The following CACNA1S variants were observed in gnomAD, a reference collection of about 807,000 sequenced individuals.
CACNA1S encodes voltage-dependent L-type calcium channel subunit alpha-1S.
Under a neutral mutation model 207.4 loss-of-function variants are expected in CACNA1S, and 126 were observed. The ratio of observed to expected loss-of-function variants is 0.61; its 90% confidence interval spans 0.53 to 0.70. The LOEUF (loss-of-function observed/expected upper bound fraction) is 0.70, where lower values mean the gene tolerates loss of function less well. CACNA1S is among the 30% of genes least tolerant of loss of function. CACNA1S has a pLI of 0.00. For missense variants in CACNA1S, 2,349 were observed against 2,422.8 expected (o/e 0.97, Z 0.64); for synonymous variants, 960 against 932.7 (o/e 1.03, Z -0.53).
In CACNA1S at chr1:201,093,201, AG is replaced by A. The variant is rs1171375724; in HGVS notation, c.398+680del. 2.0e-5 allele frequency among the ~76,000 whole-genome samples: 3 copies of A among 152,248 alleles called. 1 individual carries two copies. The East Asian group carries it at 5.8e-4, about 29-fold the overall frequency. On this transcript the variant is annotated intron_variant, in intron 3 of 43. Coordinates refer to ENST00000362061, the MANE Select transcript of CACNA1S (RefSeq NM_000069.3). Reference sequence around the variant, plus strand: ...TCAGAATGTGGTTGTATTTGGAGACAGGGTCTTTAAAGAGGTGGTTAAGATG... The same window carrying A: ...TCAGAATGTGGTTGTATTTGGAGACAGGTCTTTAAAGAGGTGGTTAAGATG...
At chr1:201,050,954 T>A in intron 33 of CACNA1S, 30 bp downstream of exon 33, 1 of 1,612,846 alleles carries the variant, frequency 6.2e-7, no homozygotes, top group Non-Finnish European at 8.5e-7. Flanking sequence ...CAAAGCCCTC[T>A]CCCTGCCCCG....
At chr1:201,063,497 C>T (rs1204937881) in intron 22 of CACNA1S, among the ~76,000 whole-genome samples, 2 of 152,128 alleles carry the variant, frequency 1.3e-5, no homozygotes, top group Non-Finnish European at 2.9e-5. Flanking sequence ...CCATGTTGGT[C>T]AGGCTGGTTT....
intron 28 of CACNA1S, among the ~76,000 whole-genome samples, chr1:201,056,070 G>GACACAC (rs58170287): frequency 0.049 from 4,688 of 94,836 alleles, 140 homozygotes; most frequent in East Asian, 0.21. Flanking sequence ...CAGACAGACA[G>GACACAC]ACACACACAC....
intron 38 of CACNA1S, 66 bp from the exon 39 acceptor site, chr1:201,044,522 T>C (rs1357165431): frequency 8.9e-6 from 14 of 1,578,216 alleles, no homozygotes; most frequent in Non-Finnish European, 1.1e-5. Context: ...CCACTTTTTC[T>C]TTTTTTGAGA....
intron 2 of CACNA1S, among the ~76,000 whole-genome samples, chr1:201,105,960 T>G (rs1662866077): frequency 6.6e-6 from 1 of 152,296 alleles, no homozygotes; most frequent in Admixed American, 6.5e-5. Flanking sequence ...TGTGCCAAAG[T>G]GAGGAAACCT....
At position 201,069,204 on chromosome 1, in the gene CACNA1S, C is replaced by T. The variant is rs757844085; in HGVS notation, c.2491-8G>A. On this transcript the variant is annotated splice_region_variant and splice_polypyrimidine_tract_variant and intron_variant, in intron 18 of 43. Transcript: ENST00000362061. ...GTCAAAGTGTTTAAGGATCTGGGGA[C>T]AGGGCAGGGGCGGGAGCAGCCAGTG... 2 of 1,613,930 alleles carry T rather than the reference C, an allele frequency of 1.2e-6. No individual in the cohort carries two copies. Among genetic ancestry groups the T allele is most frequent in the South Asian group, 1.1e-5 (1 of 91,066 alleles).
At chr1:201,049,452 G>A (rs1425696032) in intron 34 of CACNA1S, among the ~76,000 whole-genome samples, 1 of 152,148 alleles carries the variant, frequency 6.6e-6, no homozygotes, top group South Asian at 2.1e-4. Context: ...GAAGTAGTGG[G>A]TGTAGATCAA....
Position 201,066,211 on chromosome 1 carries a change from G to A in CACNA1S, c.2745+18C>T. ...CCTCCCATTCCTCTCTGGGGCTCCT[G>A]CCCGGGCCCTCTCTCACCTTCAACC... On this transcript the variant is annotated intron_variant, in intron 21 of 43. Coordinates refer to ENST00000362061, the MANE Select transcript of CACNA1S (RefSeq NM_000069.3). This position sits in a 1 kb window ranked among gnomAD's most constrained non-coding sequence, Gnocchi z 4.3. 1.2e-6 allele frequency: 2 copies of A among 1,611,216 alleles called. No individual in the cohort carries two copies. The highest frequency in any genetic ancestry group is 8.5e-7 in the Non-Finnish European group (1 of 1,177,548).
chr1:201,084,497 C>T (rs1235688305), intron 9 of CACNA1S, among the ~76,000 whole-genome samples: 1 of 152,140 alleles, frequency 6.6e-6, no homozygotes, highest in East Asian at 1.9e-4. Flanking sequence ...ATAAACAAAC[C>T]CTCCTCTTAA....
rs373506089 is a variant in CACNA1S at position 201,048,619 on chromosome 1, A to T, written c.4404T>A (p.Phe1468Leu). Residue 1468 changes from phenylalanine (F) to leucine (L), a missense_variant, in exon 36 of 44, where the codon TTT (phenylalanine) becomes TTA (leucine). Coordinates refer to ENST00000362061, the MANE Select transcript of CACNA1S (RefSeq NM_000069.3). ...DGTVTFNATL[F>L]ALVRTALKIK... ...TCTTGAGTGCCGTGCGGACCAGGGC[A>T]AAGAGTGTGGCATTGAAGGTGACTG... The T allele has an allele frequency of 3.1e-6, 5 of 1,613,910 alleles. No individual in the cohort carries two copies. The African/African-American group carries it at 6.7e-5, about 22-fold the overall frequency.
At chr1:201,067,135 C>G in intron 19 of CACNA1S, 142 bp from the exon 20 acceptor site, 1 of 710,634 alleles carries the variant, frequency 1.4e-6, no homozygotes, top group South Asian at 1.5e-5. Context: ...TCACTCAACT[C>G]CTTGCAGTGG....
rs751405561 is a variant in CACNA1S, at chr1:201,039,861, G to A, written c.5592C>T (p.Ser1864=). Residue 1864 remains serine (S), a synonymous_variant, in exon 44 of 44, where the codon TCC becomes TCT. Transcript: ENST00000362061. Reference sequence around the variant, plus strand: ...GCCTTGGAGGAATAAGGGTCTCCTGGGAGCCCTGGTGTTGGTCGAGGCTGC... The same window carrying A: ...GCCTTGGAGGAATAAGGGTCTCCTGAGAGCCCTGGTGTTGGTCGAGGCTGC... ...SLGSLDQHQG[S]QETLIPPRL 1.5e-4 allele frequency: 235 copies of A among 1,608,934 alleles called. No individual in the cohort carries two copies. Among genetic ancestry groups the A allele is most frequent in the Non-Finnish European group, 1.9e-4 (225 of 1,180,024 alleles).
At position 201,053,856 on chromosome 1, in the gene CACNA1S, G is replaced by T. The variant is rs1170654618; in HGVS notation, c.3667-269C>A. 1.3e-5 allele frequency among the ~76,000 whole-genome samples: 2 copies of T among 152,140 alleles called. No individual in the cohort carries two copies. The highest frequency in any genetic ancestry group is 2.9e-5 in the Non-Finnish European group (2 of 68,008). On this transcript the variant is annotated intron_variant, in intron 29 of 43. Coordinates refer to ENST00000362061, the MANE Select transcript of CACNA1S (RefSeq NM_000069.3). The surrounding 1 kb of genome is among the most constrained non-coding windows in gnomAD (Gnocchi z 5.1). ...CACTTGGGAGCAGTGGCAGGGATTTGCCCTGGGGTGTGGCTGCACCCAGGC... is the reference window on the plus strand; with the variant it reads ...CACTTGGGAGCAGTGGCAGGGATTTTCCCTGGGGTGTGGCTGCACCCAGGC...
At chr1:201,048,933 C>T in intron 35 of CACNA1S, 70 bp downstream of exon 35, 2 of 1,254,716 alleles carry the variant, frequency 1.6e-6, no homozygotes. Context: ...ATCAGGTCCT[C>T]ACCAGTTTCC....
chr1:201,090,223 G>A (rs947107012), intron 5 of CACNA1S, among the ~76,000 whole-genome samples: 10 of 152,204 alleles, frequency 6.6e-5, no homozygotes, highest in Non-Finnish European at 1.5e-4. Context: ...CATGAAGTCA[G>A]AAGCCCCGAT....
At chr1:201,042,180 A>G (rs1055217312) in intron 40 of CACNA1S, among the ~76,000 whole-genome samples, 2 of 152,168 alleles carry the variant, frequency 1.3e-5, no homozygotes, top group Non-Finnish European at 2.9e-5. Context: ...TCTCTCACCC[A>G]GGCTGGAGTG....
At chr1:201,056,070 G>GACACACACACACACACACACACACACAC (rs58170287) in intron 28 of CACNA1S, among the ~76,000 whole-genome samples, 1 of 94,830 alleles carries the variant, frequency 1.1e-5, no homozygotes, top group Non-Finnish European at 2.6e-5. Context: ...CAGACAGACA[G>GACACACACACACACACACACACACACAC]ACACACACAC....
At chr1:201,082,535 C>T (rs1378829088) in intron 10 of CACNA1S, among the ~76,000 whole-genome samples, 2 of 152,182 alleles carry the variant, frequency 1.3e-5, no homozygotes, top group Non-Finnish European at 2.9e-5. Flanking sequence ...GTTTACCTAT[C>T]CTTTAAGATC....
At chr1:201,069,406 C>T in intron 18 of CACNA1S, 66 bp downstream of exon 18, 1 of 1,595,744 alleles carries the variant, frequency 6.3e-7, no homozygotes, top group Non-Finnish European at 8.5e-7. Context: ...CAGCTGAACC[C>T]TGGGCACCAG....
Sources: allele counts gnomAD v4.1 joint callset (sites outside exome capture counted in the v4.1 genomes callset), GRCh38; gene constraint gnomAD v4.1.1; non-coding constraint Gnocchi (gnomAD v3.1); transcripts MANE v1.5; gene names NCBI Gene and HGNC (gene_info 2026-07-23, HGNC 2026-07-21).